Variants in GRIN2B observed in about 807,000 individuals in gnomAD.
The protein encoded by GRIN2B is glutamate ionotropic receptor NMDA type subunit 2B, also known as glutamate receptor ionotropic, NMDA 2B.
GRIN2B carries 5 observed loss-of-function variants against 114.5 expected under a neutral mutation model. The ratio of observed to expected loss-of-function variants is 0.04; its 90% CI spans 0.02 to 0.09. GRIN2B has a LOEUF of 0.09. Among genes scored for constraint, GRIN2B ranks in the 10% least tolerant of loss-of-function variants. The probability of loss-of-function intolerance (pLI) is 1.00; values close to 1 mark genes in which losing one functional copy is unlikely to be tolerated. For synonymous variants in GRIN2B, 787 were observed against 745.1 expected (o/e 1.06, Z -0.92); for missense variants, 1,108 against 1,943.5 (o/e 0.57, Z 8.08).
intron 4 of GRIN2B, among the ~76,000 whole-genome samples, chr12:13,704,141 G>A (rs1021660307): frequency 2.0e-5 from 3 of 152,150 alleles, no homozygotes; most frequent in African/African-American, 7.2e-5. Flanking sequence ...TGAGAAGAAG[G>A]TATCAAAGTC....
In GRIN2B at chr12:13,975,440, C is replaced by T. The variant is rs571598570; in HGVS notation, c.-19+4488G>A. Among the ~76,000 whole-genome samples the T allele has an allele frequency of 4.6e-5, 7 of 152,332 alleles. No homozygotes were observed. In the South Asian group the frequency reaches 1.4e-3, roughly 32 times the overall value. ...TGGCATGGTGTACAAAGCACTGGTG[C>T]TAAAGAAGTTATACAACCTTAGGAA... On this transcript the variant is annotated intron_variant, in intron 2 of 13. Transcript: ENST00000609686.
intron 10 of GRIN2B, among the ~76,000 whole-genome samples, chr12:13,592,051 T>G (rs923177836): frequency 2.0e-5 from 3 of 152,208 alleles, no homozygotes; most frequent in Admixed American, 2.0e-4. Context: ...AAGACATAAT[T>G]ATTGAAAGCA....
intron 12 of GRIN2B, 135 bp downstream of exon 12, chr12:13,569,695 G>A (rs1043625614): frequency 2.6e-5 from 16 of 617,762 alleles, no homozygotes; most frequent in African/African-American, 1.3e-4. Context: ...ATATATACCC[G>A]AAAACTACAC....
intron 4 of GRIN2B, among the ~76,000 whole-genome samples, chr12:13,697,392 C>G (rs573825343): frequency 1.3e-5 from 2 of 152,256 alleles, no homozygotes; most frequent in South Asian, 4.2e-4. Flanking sequence ...TAGCTGAGTC[C>G]GTATCCCTAC....
intron 2 of GRIN2B, among the ~76,000 whole-genome samples, chr12:13,890,032 G>T (rs887787124): frequency 1.3e-5 from 2 of 152,128 alleles, no homozygotes; most frequent in Non-Finnish European, 2.9e-5. Context: ...CTCTAATTTT[G>T]TCCTCCCTGT....
intron 3 of GRIN2B, among the ~76,000 whole-genome samples, chr12:13,861,229 T>C (rs1335922464): frequency 1.3e-5 from 2 of 152,204 alleles, no homozygotes; most frequent in Admixed American, 6.5e-5. Flanking sequence ...AATTGTATAA[T>C]AGAAAGCATA....
intron 2 of GRIN2B, among the ~76,000 whole-genome samples, chr12:13,919,176 G>A (rs1023571539): frequency 6.6e-6 from 1 of 152,084 alleles, no homozygotes; most frequent in Admixed American, 6.5e-5. Context: ...ATATGCACAC[G>A]GACCTAACCT....
chr12:13,668,958 G>A (rs1380695933), intron 5 of GRIN2B, among the ~76,000 whole-genome samples: 1 of 147,552 alleles, frequency 6.8e-6, no homozygotes, highest in East Asian at 2.0e-4. Flanking sequence ...GAAGAGAGGG[G>A]CGGTTGGAAG....
chr12:13,951,903 G>C (rs1229325950), intron 2 of GRIN2B, among the ~76,000 whole-genome samples: 1 of 151,938 alleles, frequency 6.6e-6, no homozygotes, highest in African/African-American at 2.4e-5. Flanking sequence ...AGAGAAGAGG[G>C]GAGAAAAAGA....
At chr12:13,889,894 C>A (rs1265860667) in intron 2 of GRIN2B, among the ~76,000 whole-genome samples, 1 of 152,216 alleles carries the variant, frequency 6.6e-6, no homozygotes, top group Non-Finnish European at 1.5e-5. Context: ...CAATCCTCCC[C>A]TTCAGTGACC....
intron 3 of GRIN2B, among the ~76,000 whole-genome samples, chr12:13,766,944 T>A (rs554370789): frequency 1.3e-5 from 2 of 152,246 alleles, no homozygotes; most frequent in African/African-American, 4.8e-5. Context: ...CAAATTTAAA[T>A]CCAAGCAACT....
intron 10 of GRIN2B, among the ~76,000 whole-genome samples, chr12:13,589,069 A>G (rs150405113): frequency 1.9e-3 from 296 of 152,290 alleles, no homozygotes; most frequent in African/African-American, 6.4e-3. Context: ...TACTTATACT[A>G]AAATCATATT....
intron 4 of GRIN2B, among the ~76,000 whole-genome samples, chr12:13,734,926 G>A (rs750318819): frequency 4.6e-5 from 7 of 152,178 alleles, no homozygotes; most frequent in Non-Finnish European, 7.3e-5. Context: ...GCCATACTAA[G>A]AGAGTGGCCA....
chr12:13,957,053 C>T (rs1002016415), intron 2 of GRIN2B, among the ~76,000 whole-genome samples: 1 of 152,160 alleles, frequency 6.6e-6, no homozygotes, highest in Non-Finnish European at 1.5e-5. Context: ...GATTAAAATT[C>T]AAGTGGAGCA....
intron 5 of GRIN2B, among the ~76,000 whole-genome samples, chr12:13,647,784 G>T (rs1457401678): frequency 6.6e-6 from 1 of 151,966 alleles, no homozygotes; most frequent in African/African-American, 2.4e-5. Flanking sequence ...AGCTCTGAGG[G>T]TCACAAATAA....
intron 2 of GRIN2B, among the ~76,000 whole-genome samples, chr12:13,893,902 G>T (rs76909437): frequency 6.6e-6 from 1 of 151,878 alleles, no homozygotes; most frequent in African/African-American, 2.4e-5. Flanking sequence ...CTATAATAAA[G>T]AATTTAAAAT....
At chr12:13,926,145 G>T (rs1866907083) in intron 2 of GRIN2B, among the ~76,000 whole-genome samples, 1 of 152,090 alleles carries the variant, frequency 6.6e-6, no homozygotes, top group Non-Finnish European at 1.5e-5. Context: ...AAAGGGAAAT[G>T]GTGCAAATTG....
intron 4 of GRIN2B, among the ~76,000 whole-genome samples, chr12:13,688,235 T>C (rs868184751): frequency 5.9e-5 from 9 of 152,150 alleles, no homozygotes; most frequent in Non-Finnish European, 1.0e-4. Context: ...ACTTCTAAGA[T>C]GGTAGAACTA....
In GRIN2B at chr12:13,976,352, G is replaced by A. The variant is rs188445364; in HGVS notation, c.-19+3576C>T. Among the ~76,000 whole-genome samples, 103 of 152,272 alleles carry A rather than the reference G, an allele frequency of 6.8e-4. 1 individual carries two copies. The highest frequency in any genetic ancestry group is 6.5e-3 in the Admixed American group (100 of 15,298). On this transcript the variant is annotated intron_variant, in intron 2 of 13. Coordinates refer to ENST00000609686, the MANE Select transcript of GRIN2B (RefSeq NM_000834.5). ...ATCCAATCATGTGCACAGGAGCAGC[G>A]ACTGAAAATGTAGTTTACTGAAAGG...
Sources: allele counts gnomAD v4.1 joint callset (sites outside exome capture counted in the v4.1 genomes callset), GRCh38; gene constraint gnomAD v4.1.1; transcripts MANE v1.5; gene names NCBI Gene and HGNC (gene_info 2026-07-23, HGNC 2026-07-21).